Variants in SLC9A9 observed in about 807,000 individuals in gnomAD.
SLC9A9 encodes the protein solute carrier family 9 member A9, also known as sodium/hydrogen exchanger 9.
In SLC9A9, 62 loss-of-function variants were observed where a neutral mutation model predicts 77.8. The observed-to-expected ratio is 0.80, with a 90% confidence interval of 0.65 to 0.98. The LOEUF (loss-of-function observed/expected upper bound fraction) is 0.98. Among genes scored for constraint, SLC9A9 ranks in the 50% least tolerant of loss-of-function variants. SLC9A9 has a pLI of 0.00. For missense variants in SLC9A9, 775 were observed against 774.9 expected (o/e 1.00, Z 0.00); for synonymous variants, 320 against 283.5 (o/e 1.13, Z -1.29).
At chr3:143,593,823 A>G (rs781175473) in intron 6 of SLC9A9, among the ~76,000 whole-genome samples, 1 of 152,238 alleles carries the variant, frequency 6.6e-6, no homozygotes, top group Non-Finnish European at 1.5e-5. Flanking sequence ...TTCATGTGAA[A>G]TGTGATGGTG....
At chr3:143,677,121 C>T (rs1469522256) in intron 5 of SLC9A9, among the ~76,000 whole-genome samples, 2 of 152,122 alleles carry the variant, frequency 1.3e-5, no homozygotes, top group Non-Finnish European at 2.9e-5. Context: ...TATTTTTATC[C>T]AGCAAGTCGG....
At chr3:143,845,315 A>G (rs1471714584) in intron 1 of SLC9A9, among the ~76,000 whole-genome samples, 1 of 152,146 alleles carries the variant, frequency 6.6e-6, no homozygotes, top group East Asian at 1.9e-4. Context: ...CAATTAATTC[A>G]CTTGGCATCT....
At chr3:143,662,280 T>G (rs1372295993) in intron 5 of SLC9A9, among the ~76,000 whole-genome samples, 3 of 152,220 alleles carry the variant, frequency 2.0e-5, no homozygotes, top group Non-Finnish European at 4.4e-5. Context: ...AATATACGAA[T>G]GAAGAAGTTC....
chr3:143,331,196 C>T (rs556639301), intron 14 of SLC9A9, among the ~76,000 whole-genome samples: 32 of 152,254 alleles, frequency 2.1e-4, no homozygotes, highest in Admixed American at 6.5e-4. Context: ...AGCAGCTGAT[C>T]AGTTTTGCCA....
In SLC9A9 at chr3:143,789,638, C is replaced by T. The variant is rs142225328; in HGVS notation, c.533+5363G>A. Among the ~76,000 whole-genome samples the T allele has an allele frequency of 1.6e-4, 25 of 152,204 alleles. 2 individuals carry two copies. In the East Asian group the frequency reaches 4.3e-3, roughly 26 times the overall value. ...TCAGCATTTTGGGGCTACTGAGACT[C>T]ACCATATCTATCCTAATTAAGAACA... On this transcript the variant is annotated intron_variant, in intron 4 of 15. Coordinates refer to ENST00000316549, the MANE Select transcript of SLC9A9 (RefSeq NM_173653.4).
intron 9 of SLC9A9, among the ~76,000 whole-genome samples, chr3:143,498,171 T>C (rs750657247): frequency 1.3e-5 from 2 of 152,250 alleles, no homozygotes; most frequent in Non-Finnish European, 2.9e-5. Context: ...AGTTTTGTTT[T>C]GCATTAAGGT....
chr3:143,292,180 T>G (rs2030027678), intron 14 of SLC9A9, among the ~76,000 whole-genome samples: 2 of 152,180 alleles, frequency 1.3e-5, no homozygotes, highest in Admixed American at 6.6e-5. Context: ...AGCCCCTCGC[T>G]GGGTGCTGAC....
chr3:143,591,092 C>G lies in SLC9A9; in HGVS notation c.756-12369G>C, dbSNP rs16853882. On this transcript the variant is annotated intron_variant, in intron 6 of 15. Transcript: ENST00000316549. ...ATTATAAACAGCTGCCTGAGACGGC[C>G]TGAGGGAGTTTCACCTAGTGACAAG... is the stretch of plus-strand genomic sequence containing the variant. Among the ~76,000 whole-genome samples the G allele has an allele frequency of 6.8e-3, 1,035 of 152,266 alleles. 14 individuals are homozygous for G. The highest frequency in any genetic ancestry group is 0.024 in the African/African-American group (985 of 41,548).
intron 13 of SLC9A9, among the ~76,000 whole-genome samples, chr3:143,370,841 G>A (rs1044038413): frequency 6.6e-6 from 1 of 152,072 alleles, no homozygotes; most frequent in African/African-American, 2.4e-5. Flanking sequence ...ACATATGATA[G>A]GATTCAGGCA....
chr3:143,277,527 G>A (rs538600167), intron 14 of SLC9A9, among the ~76,000 whole-genome samples: 1 of 152,252 alleles, frequency 6.6e-6, no homozygotes, highest in African/African-American at 2.4e-5. Flanking sequence ...ACCACTATTA[G>A]GTCTTTATAA....
At chr3:143,790,907 T>C (rs1282920944) in intron 4 of SLC9A9, among the ~76,000 whole-genome samples, 3 of 152,216 alleles carry the variant, frequency 2.0e-5, no homozygotes, top group Non-Finnish European at 4.4e-5. Context: ...ACTAAGAGCA[T>C]ATAATTTTTG....
intron 14 of SLC9A9, among the ~76,000 whole-genome samples, chr3:143,275,587 A>G (rs563803473): frequency 8.5e-5 from 13 of 152,120 alleles, no homozygotes; most frequent in African/African-American, 2.9e-4. Context: ...TTCTCTTAAG[A>G]TATCAATTGT....
At chr3:143,726,155 C>A (rs1934645916) in intron 4 of SLC9A9, among the ~76,000 whole-genome samples, 1 of 149,572 alleles carries the variant, frequency 6.7e-6, no homozygotes, top group African/African-American at 2.5e-5. Flanking sequence ...TTGGTCTGTG[C>A]AGTAAACCAC....
At chr3:143,422,141 A>G (rs2034311218) in intron 12 of SLC9A9, among the ~76,000 whole-genome samples, 1 of 152,216 alleles carries the variant, frequency 6.6e-6, no homozygotes, top group Non-Finnish European at 1.5e-5. Context: ...CATACACTGT[A>G]GATGGGAATG....
At chr3:143,654,951 G>C (rs1038492763) in intron 5 of SLC9A9, among the ~76,000 whole-genome samples, 1 of 152,178 alleles carries the variant, frequency 6.6e-6, no homozygotes, top group East Asian at 1.9e-4. Flanking sequence ...AATTCCTTTT[G>C]AACAAAGAAC....
intron 4 of SLC9A9, among the ~76,000 whole-genome samples, chr3:143,704,848 T>G (rs1418495206): frequency 6.6e-6 from 1 of 151,954 alleles, no homozygotes; most frequent in Non-Finnish European, 1.5e-5. Flanking sequence ...CAAAATAAGC[T>G]GGACATTGTG....
intron 12 of SLC9A9, among the ~76,000 whole-genome samples, chr3:143,387,624 C>T (rs2033458765): frequency 6.6e-6 from 1 of 152,120 alleles, no homozygotes; most frequent in Non-Finnish European, 1.5e-5. Flanking sequence ...ACATCTCACT[C>T]CGGGTTCCTC....
intron 5 of SLC9A9, among the ~76,000 whole-genome samples, chr3:143,654,391 G>A (rs2038852402): frequency 6.6e-6 from 1 of 152,202 alleles, no homozygotes. Flanking sequence ...TATTCTAGCT[G>A]AATAGGTCCT....
At chr3:143,700,845 G>C (rs1300453000) in intron 4 of SLC9A9, among the ~76,000 whole-genome samples, 1 of 152,220 alleles carries the variant, frequency 6.6e-6, no homozygotes, top group Non-Finnish European at 1.5e-5. Flanking sequence ...GCAGGCCTTG[G>C]GCAAGACCCA....
Sources: gnomAD v4.1 joint callset for allele counts (sites outside exome capture counted in the v4.1 genomes callset) on GRCh38, gnomAD v4.1.1 for gene constraint, MANE v1.5 for transcripts, NCBI Gene and HGNC (gene_info 2026-07-23, HGNC 2026-07-21) for gene names.